The following NELL1 variants were observed in gnomAD, a reference collection of about 807,000 sequenced individuals.
The protein encoded by NELL1 is neural EGFL like 1, also known as protein kinase C-binding protein NELL1.
NELL1 carries 76 observed loss-of-function variants against 107.4 expected under a neutral mutation model. The observed-to-expected ratio is 0.71, with a 90% CI of 0.59 to 0.86. The LOEUF is 0.86. Ranked by LOEUF, NELL1 falls within the 40% of genes least tolerant of loss-of-function variation. The pLI is 0.00. For synonymous variants in NELL1, 353 were observed against 341.2 expected, an observed-to-expected ratio of 1.03 and a Z score of -0.38; for missense variants, 1,024 against 1,005.5, an observed-to-expected ratio of 1.02 and a Z score of -0.25.
At chr11:21,086,485 AG>A (rs1191234396) in intron 12 of NELL1, among the ~76,000 whole-genome samples, 3 of 152,182 alleles carry the variant, frequency 2.0e-5, no homozygotes, top group African/African-American at 7.2e-5. Context: ...AGTAGCTAAA[AG>A]ATAAAATTTG....
intron 12 of NELL1, among the ~76,000 whole-genome samples, chr11:20,973,982 G>A (rs1055200290): frequency 6.6e-6 from 1 of 152,242 alleles, no homozygotes; most frequent in African/African-American, 2.4e-5. Context: ...CCAGCATTGT[G>A]TGAAGTCATG....
chr11:21,337,268 A>G (rs1051983629), intron 14 of NELL1, among the ~76,000 whole-genome samples: 19 of 152,156 alleles, frequency 1.2e-4, no homozygotes, highest in African/African-American at 2.4e-5. Flanking sequence ...ATGAAAAATA[A>G]TGTAGGAACA....
chr11:21,258,814 A>G (rs1396758483), intron 14 of NELL1, among the ~76,000 whole-genome samples: 1 of 151,964 alleles, frequency 6.6e-6, no homozygotes, highest in Non-Finnish European at 1.5e-5. Flanking sequence ...TTATAATCTC[A>G]TGAGTTGCTT....
At chr11:21,084,644 G>A (rs141092739) in intron 12 of NELL1, among the ~76,000 whole-genome samples, 280 of 152,184 alleles carry the variant, frequency 1.8e-3, no homozygotes, top group African/African-American at 6.1e-3. Flanking sequence ...GGGCATTTCC[G>A]GATGAGTGCC....
At chr11:21,300,876 A>G (rs1389794555) in intron 14 of NELL1, among the ~76,000 whole-genome samples, 1 of 152,010 alleles carries the variant, frequency 6.6e-6, no homozygotes, top group Non-Finnish European at 1.5e-5. Flanking sequence ...TACATTAGGT[A>G]TATCTCCTAA....
intron 13 of NELL1, among the ~76,000 whole-genome samples, chr11:21,138,225 T>G (rs1855787531): frequency 6.6e-6 from 1 of 152,158 alleles, no homozygotes; most frequent in Non-Finnish European, 1.5e-5. Context: ...CTCTTTTCCT[T>G]CCTAGGGCAT....
intron 12 of NELL1, among the ~76,000 whole-genome samples, chr11:21,099,348 C>T (rs1854746042): frequency 6.6e-6 from 1 of 151,992 alleles, no homozygotes; most frequent in Non-Finnish European, 1.5e-5. Flanking sequence ...GAGGCAGCAG[C>T]CCTGGGGTTG....
At chr11:20,792,299 C>T (rs567303922) in intron 3 of NELL1, among the ~76,000 whole-genome samples, 5 of 151,778 alleles carry the variant, frequency 3.3e-5, no homozygotes, top group South Asian at 2.1e-4. Flanking sequence ...TTTATATTAG[C>T]GATTTCTTTT....
chr11:20,880,695 A>G (rs2134100044), intron 4 of NELL1, among the ~76,000 whole-genome samples: 1 of 152,230 alleles, frequency 6.6e-6, no homozygotes, highest in Admixed American at 6.5e-5. Context: ...TATCCTCTCC[A>G]TCTCAGTGGC....
At position 21,040,107 on chromosome 11, in the gene NELL1, T is replaced by C. The variant is rs1384357574; in HGVS notation, c.1301-73482T>C. Among the ~76,000 whole-genome samples the C allele has an allele frequency of 4.6e-5, 7 of 151,888 alleles. No homozygotes were observed. In the East Asian group the frequency reaches 1.4e-3, roughly 29 times the overall value. Reference sequence around the variant, plus strand: ...TATTGGTATTTTTTCCCGGCTTTTTTTTTCTTGTGCCCTCATATAATTTTT... The same window carrying C: ...TATTGGTATTTTTTCCCGGCTTTTTCTTTCTTGTGCCCTCATATAATTTTT... On this transcript the variant is annotated intron_variant, in intron 12 of 19. Coordinates refer to ENST00000357134, the MANE Select transcript of NELL1 (RefSeq NM_006157.5).
chr11:20,998,098 G>A (rs1852131543), intron 12 of NELL1, among the ~76,000 whole-genome samples: 1 of 152,086 alleles, frequency 6.6e-6, no homozygotes, highest in African/African-American at 2.4e-5. Flanking sequence ...TCTTAAAATT[G>A]TTAACATTTT....
chr11:21,031,977 G>A (rs1357859778), intron 12 of NELL1, among the ~76,000 whole-genome samples: 4 of 151,610 alleles, frequency 2.6e-5, no homozygotes, highest in Middle Eastern at 3.5e-3. Flanking sequence ...CCTGGGAGGC[G>A]GAGGTTGCAG....
chr11:20,720,600 A>G (rs1482473106), intron 2 of NELL1, among the ~76,000 whole-genome samples: 2 of 152,032 alleles, frequency 1.3e-5, no homozygotes, highest in African/African-American at 2.4e-5. Context: ...TTTTCTTTCC[A>G]TTTTTGGATG....
chr11:21,083,904 G>T (rs1249862713), intron 12 of NELL1, among the ~76,000 whole-genome samples: 2 of 152,248 alleles, frequency 1.3e-5, no homozygotes, highest in African/African-American at 2.4e-5. Context: ...TAAGGCAAAA[G>T]TTATTACCAT....
chr11:20,790,007 G>A (rs549735652), intron 3 of NELL1, among the ~76,000 whole-genome samples: 62 of 152,300 alleles, frequency 4.1e-4, no homozygotes, highest in African/African-American at 1.5e-3. Flanking sequence ...CTGAGCCTGG[G>A]GCTTATATGG....
chr11:21,093,929 A>C (rs1420682533), intron 12 of NELL1, among the ~76,000 whole-genome samples: 1 of 151,900 alleles, frequency 6.6e-6, no homozygotes, highest in Non-Finnish European at 1.5e-5. Flanking sequence ...CCCAAATCCC[A>C]TGTCCTTGTA....
chr11:20,964,965 T>G (rs780581143), intron 12 of NELL1, among the ~76,000 whole-genome samples: 1 of 151,930 alleles, frequency 6.6e-6, no homozygotes, highest in African/African-American at 2.4e-5. Flanking sequence ...CCACTGACAT[T>G]GGTAGGATTT....
At position 20,977,264 on chromosome 11, in the gene NELL1, A is replaced by AT. The variant is rs558154042; in HGVS notation, c.1300+16722dup. 5.2e-3 allele frequency among the ~76,000 whole-genome samples: 684 copies of AT among 131,124 alleles called. 2 individuals carry two copies. The highest frequency in any genetic ancestry group is 0.019 in the East Asian group (88 of 4,530). 86.0% of individuals were successfully genotyped at this position (131,124 alleles called of 152,430 possible). Reference sequence around the variant, plus strand: ...TCCAAGATTCAGGCAAATTAAATCTATTTTTTTTTTTTTTTTTTGAGACAG... The same window carrying AT: ...TCCAAGATTCAGGCAAATTAAATCTATTTTTTTTTTTTTTTTTTTGAGACAG... On this transcript the variant is annotated intron_variant, in intron 12 of 19. Transcript: ENST00000357134.
At chr11:20,909,022 G>A (rs889014370) in intron 5 of NELL1, among the ~76,000 whole-genome samples, 6 of 152,188 alleles carry the variant, frequency 3.9e-5, no homozygotes, top group Admixed American at 6.5e-5. Flanking sequence ...GTTCTGATAC[G>A]TACTACAGTG....
Sources: allele counts gnomAD v4.1 joint callset (sites outside exome capture counted in the v4.1 genomes callset), GRCh38; gene constraint gnomAD v4.1.1; transcripts MANE v1.5; gene names NCBI Gene and HGNC (gene_info 2026-07-23, HGNC 2026-07-21).